Variants in TMEM181 observed in about 807,000 individuals in gnomAD.
TMEM181 encodes the protein transmembrane protein 181, also known as G protein-coupled receptor 178.
TMEM181 carries 39 observed loss-of-function variants against 71.9 expected under a neutral mutation model. The ratio of observed to expected loss-of-function variants is 0.54; its 90% confidence interval spans 0.42 to 0.71. The LOEUF is 0.71. TMEM181 is among the 30% of genes least tolerant of loss of function. TMEM181 has a pLI of 0.00. For missense variants in TMEM181, 595 were observed against 583.0 expected (o/e 1.02, Z -0.21); for synonymous variants, 245 against 228.8 (o/e 1.07, Z -0.64).
At chr6:158,626,318 G>GTTGTTTATTTGAATCGA (rs1786273403) in intron 13 of TMEM181, 4 of 451,194 alleles carry the variant, frequency 8.9e-6, no homozygotes, top group Middle Eastern at 6.5e-4. Flanking sequence ...GGTCTGGGAA[G>GTTGTTTATTTGAATCGA]TTGTTTATTT....
At chr6:158,606,933 G>T (rs182265328) in intron 7 of TMEM181, among the ~76,000 whole-genome samples, 28 of 152,352 alleles carry the variant, frequency 1.8e-4, no homozygotes, top group South Asian at 8.3e-4. Context: ...CCTCGCCGTG[G>T]TGGTGAGAGG....
intron 1 of TMEM181, among the ~76,000 whole-genome samples, chr6:158,566,741 G>A (rs1041283837): frequency 6.6e-6 from 1 of 152,048 alleles, no homozygotes; most frequent in Non-Finnish European, 1.5e-5. Context: ...CGGTGAGGGA[G>A]GTGATGGTGA....
chr6:158,617,043 G>A (rs933277027), intron 10 of TMEM181, among the ~76,000 whole-genome samples: 1 of 152,226 alleles, frequency 6.6e-6, no homozygotes, highest in South Asian at 2.1e-4. Context: ...GATTGGAATA[G>A]TTTCAGAAAG....
At chr6:158,602,516 T>C (rs1377512968) in intron 6 of TMEM181, among the ~76,000 whole-genome samples, 1 of 152,236 alleles carries the variant, frequency 6.6e-6, no homozygotes, top group Non-Finnish European at 1.5e-5. Context: ...TTACTTCATA[T>C]CCCGTCAATG....
intron 6 of TMEM181, among the ~76,000 whole-genome samples, chr6:158,598,026 G>A (rs909812057): frequency 2.0e-5 from 3 of 152,126 alleles, no homozygotes; most frequent in Non-Finnish European, 2.9e-5. Context: ...GCCCACACCC[G>A]TTGCCACGTT....
intron 1 of TMEM181, among the ~76,000 whole-genome samples, chr6:158,570,578 G>T (rs538161693): frequency 6.0e-4 from 91 of 152,098 alleles, no homozygotes; most frequent in African/African-American, 2.1e-3. Flanking sequence ...GGGGAAACAG[G>T]TCTGGAGTCA....
chr6:158,575,032 A>G (rs776314607), intron 2 of TMEM181, among the ~76,000 whole-genome samples: 1 of 152,186 alleles, frequency 6.6e-6, no homozygotes, highest in Non-Finnish European at 1.5e-5. Context: ...TGTTTTATTC[A>G]ATGGATTGGA....
chr6:158,625,598 G>T, intron 12 of TMEM181, 105 bp from the exon 13 acceptor site: 1 of 1,012,748 alleles, frequency 9.9e-7, no homozygotes, highest in Non-Finnish European at 1.5e-6. Context: ...GGAGGGAGGA[G>T]CATTTGTCCA....
At chr6:158,589,817 T>A in intron 6 of TMEM181, 35 bp downstream of exon 6, 1 of 1,418,826 alleles carries the variant, frequency 7.0e-7, no homozygotes, top group Non-Finnish European at 1.0e-6. Context: ...TTTCCATGGC[T>A]CATGTTCTAG....
chr6:158,556,076 T>A (rs1285281743), upstream of TMEM181, among the ~76,000 whole-genome samples: 17 of 151,970 alleles, frequency 1.1e-4, 1 homozygote, highest in Admixed American at 1.1e-3. Context: ...GAAACCAGAG[T>A]ACTCAAACCA....
intron 13 of TMEM181, among the ~76,000 whole-genome samples, chr6:158,626,983 C>G: frequency 1.4e-5 from 2 of 145,428 alleles, no homozygotes; most frequent in African/African-American, 5.1e-5. Flanking sequence ...CATCATCACT[C>G]ACACACCCTC....
chr6:158,631,973 T>C lies in TMEM181; in HGVS notation c.*85T>C, dbSNP rs1021761430. 7.9e-7 allele frequency: 1 copy of C among 1,259,808 alleles called. No individual in the cohort carries two copies. The highest frequency in any genetic ancestry group is 1.5e-5 in the African/African-American group (1 of 66,820). 78.0% of individuals were successfully genotyped at this position (1,259,808 alleles called of 1,614,324 possible). The stretch of plus-strand genomic sequence containing the variant: ...CTGACCTTCCCCTGTTATATTCAGA[T>C]TTTTCTTACAAGCAGAGATTTCCTG... On this transcript the variant is annotated 3_prime_UTR_variant, in exon 17 of 17. Coordinates refer to ENST00000684151, the MANE Select transcript of TMEM181 (RefSeq NM_001376852.1).
chr6:158,546,842 C>T (rs1436102494), intron 1 of TMEM181, among the ~76,000 whole-genome samples: 2 of 152,094 alleles, frequency 1.3e-5, no homozygotes, highest in Non-Finnish European at 2.9e-5. Flanking sequence ...CGCCTGTAGT[C>T]CCAGCTGCTT....
intron 1 of TMEM181, among the ~76,000 whole-genome samples, chr6:158,568,652 C>T (rs1782646399): frequency 6.6e-6 from 1 of 152,184 alleles, no homozygotes; most frequent in African/African-American, 2.4e-5. Context: ...CTGAGACTTA[C>T]TCGGTCACTG....
At chr6:158,568,697 AT>A (rs755976295) in intron 1 of TMEM181, among the ~76,000 whole-genome samples, 31 of 152,120 alleles carry the variant, frequency 2.0e-4, no homozygotes, top group Admixed American at 2.0e-4. Flanking sequence ...ACCTGTGAGC[AT>A]TTTCAGCAGG....
chr6:158,621,665 C>T (rs2128326513), intron 10 of TMEM181: 1 of 153,322 alleles, frequency 6.5e-6, no homozygotes, highest in East Asian at 1.9e-4. Context: ...CTCCCACTGC[C>T]CATCACAGTT....
intron 10 of TMEM181, among the ~76,000 whole-genome samples, chr6:158,613,543 A>G (rs918178180): frequency 6.6e-6 from 1 of 151,964 alleles, no homozygotes; most frequent in African/African-American, 2.4e-5. Context: ...TGTCAAAGTG[A>G]CATGCTTTGC....
At chr6:158,608,771 T>C in intron 10 of TMEM181, 21 bp downstream of exon 10, 1 of 1,601,726 alleles carries the variant, frequency 6.2e-7, no homozygotes, top group East Asian at 2.2e-5. Flanking sequence ...CTATTATGTG[T>C]GAAACTTCAG....
intron 1 of TMEM181, among the ~76,000 whole-genome samples, chr6:158,554,874 A>G (rs1482789892): frequency 6.6e-6 from 1 of 152,226 alleles, no homozygotes; most frequent in Non-Finnish European, 1.5e-5. Context: ...AAACCTGTTC[A>G]CATGTCTGAA....
Sources: gnomAD v4.1 joint callset for allele counts (sites outside exome capture counted in the v4.1 genomes callset) on GRCh38, gnomAD v4.1.1 for gene constraint, MANE v1.5 for transcripts, NCBI Gene and HGNC (gene_info 2026-07-23, HGNC 2026-07-21) for gene names.